The following MID2 variants were observed in gnomAD, a reference collection of about 807,000 sequenced individuals.
MID2 encodes probable E3 ubiquitin-protein ligase MID2.
In MID2, 13 loss-of-function variants were observed where a neutral mutation model predicts 46.1. That is an observed-to-expected ratio of 0.28 (90% CI 0.18 to 0.45). The LOEUF (loss-of-function observed/expected upper bound fraction) is 0.45. Among genes scored for constraint, MID2 ranks in the 20% least tolerant of loss-of-function variants. The pLI is 1.00. For synonymous variants in MID2, 199 were observed against 212.3 expected (o/e 0.94, Z 0.55); for missense variants, 431 against 575.4 (o/e 0.75, Z 2.57).
chrX:107,899,121 A>G (rs1468507086), intron 3 of MID2, among the ~76,000 whole-genome samples: 2 of 108,709 alleles, frequency 1.8e-5, no homozygotes, highest in Non-Finnish European at 3.8e-5. Flanking sequence ...GATGAACTTT[A>G]AACCCAGGAA....
At chrX:107,875,057 T>A (rs779168868) in intron 3 of MID2, among the ~76,000 whole-genome samples, 2 of 111,635 alleles carry the variant, frequency 1.8e-5, no homozygotes, top group Admixed American at 9.5e-5. Flanking sequence ...CAGAGAAGTC[T>A]CTTGACAATG....
chrX:107,851,704 C>T lies in MID2; in HGVS notation c.721-2905C>T, dbSNP rs975538665. On this transcript the variant is annotated intron_variant, in intron 2 of 9. Transcript: ENST00000262843. ...CAAAAACAAACAAACAAAGAAACTA[C>T]AAACTCCTTATCTAGGCACTTAAGA... Among the ~76,000 whole-genome samples, 4 of 110,801 alleles carry T rather than the reference C, an allele frequency of 3.6e-5. No individual in the cohort carries two copies. The Admixed American group carries it at 3.8e-4, about 11-fold the overall frequency.
rs1476589443 is a variant in MID2 at position 107,929,463 on chromosome X, A to G, written c.*2390A>G. Among the ~76,000 whole-genome samples the G allele has an allele frequency of 6.3e-5, 7 of 111,573 alleles. No homozygotes were observed. The East Asian group carries it at 2.0e-3, about 31-fold the overall frequency. Reference sequence around the variant, plus strand: ...TTGATTAAGGTAGCCAAGTTTAACTATTTACACAACTATTCACACAAGTTA... The same window carrying G: ...TTGATTAAGGTAGCCAAGTTTAACTGTTTACACAACTATTCACACAAGTTA... On this transcript the variant is annotated 3_prime_UTR_variant, in exon 10 of 10. Coordinates refer to ENST00000262843, the MANE Select transcript of MID2 (RefSeq NM_012216.4).
intron 3 of MID2, among the ~76,000 whole-genome samples, chrX:107,889,755 C>G (rs1932553770): frequency 8.9e-6 from 1 of 112,150 alleles, no homozygotes; most frequent in Admixed American, 9.4e-5. Flanking sequence ...TCAGGTACAC[C>G]AATCAGACGT....
intron 5 of MID2, among the ~76,000 whole-genome samples, chrX:107,908,674 G>A (rs772975829): frequency 9.7e-6 from 1 of 103,298 alleles, no homozygotes; most frequent in Non-Finnish European, 2.0e-5. Context: ...GACCAGCCTG[G>A]GCAACATAGC....
chrX:107,897,702 C>T (rs1018807202), intron 3 of MID2, among the ~76,000 whole-genome samples: 8 of 110,735 alleles, frequency 7.2e-5, no homozygotes, highest in Non-Finnish European at 9.5e-5. Flanking sequence ...TATGTGTGTG[C>T]GTGTGAGAGA....
intron 3 of MID2, among the ~76,000 whole-genome samples, chrX:107,875,175 T>G (rs1363669593): frequency 9.0e-6 from 1 of 110,758 alleles, no homozygotes; most frequent in Non-Finnish European, 1.9e-5. Context: ...ATACTGGGAG[T>G]CAGAGTGTAA....
At chrX:107,851,379 A>G (rs921818100) in intron 2 of MID2, among the ~76,000 whole-genome samples, 1 of 111,305 alleles carries the variant, frequency 9.0e-6, no homozygotes, top group Non-Finnish European at 1.9e-5. Flanking sequence ...CCTTTTATCA[A>G]TCCTCATATT....
intron 4 of MID2, among the ~76,000 whole-genome samples, chrX:107,904,454 G>A (rs997192603): frequency 9.0e-6 from 1 of 111,643 alleles, no homozygotes; most frequent in African/African-American, 3.3e-5. Flanking sequence ...AAAGTGTTGG[G>A]CAGCCATTCT....
chrX:107,921,259 A>AT (rs956050692), intron 7 of MID2, among the ~76,000 whole-genome samples: 6 of 110,008 alleles, frequency 5.5e-5, no homozygotes, highest in Non-Finnish European at 9.5e-5. Flanking sequence ...CCTTATTTTG[A>AT]TTTTTTCTGA....
intron 2 of MID2, among the ~76,000 whole-genome samples, chrX:107,851,323 C>T (rs1931608149): frequency 1.8e-5 from 2 of 111,737 alleles, no homozygotes; most frequent in Admixed American, 9.5e-5. Flanking sequence ...TACTGAAACA[C>T]CTTTTCAAAA....
At chrX:107,851,338 A>G (rs1931608572) in intron 2 of MID2, among the ~76,000 whole-genome samples, 1 of 111,823 alleles carries the variant, frequency 8.9e-6, no homozygotes, top group Admixed American at 9.5e-5. Flanking sequence ...TCAAAAGGTC[A>G]TCTGTGACCT....
chrX:107,839,628 C>T (rs1931288520), intron 1 of MID2, among the ~76,000 whole-genome samples: 1 of 111,811 alleles, frequency 8.9e-6, no homozygotes, highest in Non-Finnish European at 1.9e-5. Flanking sequence ...CCTTGGCCTC[C>T]CAAAGTGCTG....
chrX:107,853,622 A>G (rs758717426), intron 2 of MID2, among the ~76,000 whole-genome samples: 153 of 111,511 alleles, frequency 1.4e-3, no homozygotes, highest in Non-Finnish European at 2.5e-3. Flanking sequence ...TGATACAGTC[A>G]GGCTTTGCAT....
chrX:107,878,012 G>GA lies in MID2; in HGVS notation c.816+23320dup, dbSNP rs367576897. Among the ~76,000 whole-genome samples the GA allele has an allele frequency of 4.2e-3, 402 of 96,226 alleles. 4 individuals are homozygous for GA. The highest frequency in any genetic ancestry group is 0.028 in the Admixed American group (251 of 8,886). 83.6% of individuals were successfully genotyped at this position (96,226 alleles called of 115,157 possible). ...AACCCTATCACATAGAAAAAGAAAG[G>GA]AAAAAAAAAAAACAGCTGAAGAGAG... is the stretch of plus-strand genomic sequence containing the variant. On this transcript the variant is annotated intron_variant, in intron 3 of 9. Coordinates refer to ENST00000262843, the MANE Select transcript of MID2 (RefSeq NM_012216.4).
intron 3 of MID2, among the ~76,000 whole-genome samples, chrX:107,893,220 G>A (rs1438326273): frequency 8.9e-6 from 1 of 112,574 alleles, no homozygotes; most frequent in Non-Finnish European, 1.9e-5. Flanking sequence ...AACAGTTAAT[G>A]TCCTTTTGAT....
intron 3 of MID2, among the ~76,000 whole-genome samples, chrX:107,874,509 G>A (rs1352122270): frequency 1.8e-5 from 2 of 112,429 alleles, no homozygotes; most frequent in East Asian, 2.8e-4. Flanking sequence ...TGCTGGGCTG[G>A]ACCAGGGCTT....
chrX:107,830,377 G>T (rs912501753), intron 1 of MID2, among the ~76,000 whole-genome samples: 12 of 111,769 alleles, frequency 1.1e-4, no homozygotes, highest in African/African-American at 3.9e-4. Context: ...TCGGCTGCTA[G>T]TAGAGGCCAG....
intron 7 of MID2, among the ~76,000 whole-genome samples, chrX:107,920,609 A>G (rs1569471749): frequency 8.9e-6 from 1 of 111,976 alleles, no homozygotes; most frequent in Non-Finnish European, 1.9e-5. Flanking sequence ...GGATTTCCAT[A>G]TTGTAATTTT....
Sources: allele counts gnomAD v4.1 joint callset (sites outside exome capture counted in the v4.1 genomes callset), GRCh38; gene constraint gnomAD v4.1.1; transcripts MANE v1.5; gene names NCBI Gene and HGNC (gene_info 2026-07-23, HGNC 2026-07-21).